LAMP5: variants seen among roughly 807,000 people sequenced by gnomAD.
LAMP5 encodes the protein lysosome associated membrane protein 5, also known as lysosome-associated membrane glycoprotein 5.
Under a neutral mutation model 30.2 loss-of-function variants are expected in LAMP5, and 36 were observed. The observed-to-expected ratio is 1.19, with a 90% CI of 0.91 to 1.57. The LOEUF (loss-of-function observed/expected upper bound fraction) is 1.57. Ranked by LOEUF, LAMP5 falls within the 40% of genes most tolerant of loss-of-function variation. LAMP5 has a pLI of 0.00. For missense variants in LAMP5, 377 were observed against 354.9 expected (o/e 1.06, Z -0.50); for synonymous variants, 149 against 134.6 (o/e 1.11, Z -0.74).
rs1443714287 is a variant in LAMP5, at chr20:9,530,493, T to A, written c.*673T>A. Reference sequence around the variant, plus strand: ...GAATCAATCTGTGTGAGTCTGTTTTTCAAAATGAAATAAAACACACTATTC... The same window carrying A: ...GAATCAATCTGTGTGAGTCTGTTTTACAAAATGAAATAAAACACACTATTC... On this transcript the variant is annotated 3_prime_UTR_variant, in exon 6 of 6. Coordinates refer to ENST00000246070, the MANE Select transcript of LAMP5 (RefSeq NM_012261.4). The A allele has an allele frequency of 6.5e-6, 1 of 152,732 alleles. No homozygotes were observed. The highest frequency in any genetic ancestry group is 2.1e-4 in the South Asian group (1 of 4,830). 9.5% of individuals were successfully genotyped at this position (152,732 alleles called of 1,614,324 possible).
At position 9,516,243 on chromosome 20, in the gene LAMP5, C is replaced by G; in HGVS notation, c.370-13C>G. The G allele has an allele frequency of 6.2e-7, 1 of 1,614,058 alleles. No individual in the cohort carries two copies. The highest frequency in any genetic ancestry group is 8.5e-7 in the Non-Finnish European group (1 of 1,179,900). On this transcript the variant is annotated splice_polypyrimidine_tract_variant and intron_variant, in intron 3 of 5. Coordinates refer to ENST00000246070, the MANE Select transcript of LAMP5 (RefSeq NM_012261.4). ...TGCGGGGACGATTGAAGCGCACCTCCCCGGCTCAACAGGAAAGCCACAACA... is the reference window on the plus strand; with the variant it reads ...TGCGGGGACGATTGAAGCGCACCTCGCCGGCTCAACAGGAAAGCCACAACA...
At chr20:9,522,806 T>C (rs950978009) in intron 5 of LAMP5, among the ~76,000 whole-genome samples, 1 of 152,150 alleles carries the variant, frequency 6.6e-6, no homozygotes, top group Non-Finnish European at 1.5e-5. Flanking sequence ...ATGGACAGTG[T>C]CTGTGTCCAC....
Position 9,514,767 on chromosome 20 carries a change from G to T in LAMP5, c.-86G>T. On this transcript the variant is annotated 5_prime_UTR_variant, in exon 1 of 6. Transcript: ENST00000246070. ...CTGTCCCCCGCCTCTCGCTCACCCCGGCCCACTCCAGCGGCGACTTTGAGG... is the reference window on the plus strand; with the variant it reads ...CTGTCCCCCGCCTCTCGCTCACCCCTGCCCACTCCAGCGGCGACTTTGAGG... 1 of 1,196,048 alleles carries T rather than the reference G, an allele frequency of 8.4e-7. No homozygotes were observed. The highest frequency in any genetic ancestry group is 1.3e-5 in the South Asian group (1 of 79,144). 74.1% of individuals were successfully genotyped at this position (1,196,048 alleles called of 1,614,324 possible).
At chr20:9,520,700 TG>T (rs1341893375) in intron 5 of LAMP5, among the ~76,000 whole-genome samples, 2 of 152,186 alleles carry the variant, frequency 1.3e-5, no homozygotes, top group Admixed American at 6.5e-5. Flanking sequence ...GGGTCATACC[TG>T]GCACTCTTCA....
At chr20:9,515,312 G>C in intron 1 of LAMP5, 141 bp from the exon 2 acceptor site, 2 of 691,938 alleles carry the variant, frequency 2.9e-6, no homozygotes, top group Non-Finnish European at 4.8e-6. Flanking sequence ...ACCCGGGTTA[G>C]AGAAACGGCT....
intron 5 of LAMP5, among the ~76,000 whole-genome samples, chr20:9,528,177 G>A (rs988310731): frequency 2.6e-4 from 40 of 152,234 alleles, no homozygotes; most frequent in African/African-American, 9.1e-4. Flanking sequence ...CTGGAACATT[G>A]CATTAAGTGA....
chr20:9,516,465 TC>T, intron 4 of LAMP5, 104 bp downstream of exon 4: 1 of 968,888 alleles, frequency 1.0e-6, no homozygotes, highest in African/African-American at 1.6e-5. Flanking sequence ...CGCTTTGAGG[TC>T]CCAGGCCAAG....
At position 9,514,793 on chromosome 20, in the gene LAMP5, G is replaced by A; in HGVS notation, c.-60G>A. 2 of 1,544,466 alleles carry A rather than the reference G, an allele frequency of 1.3e-6. No individual in the cohort carries two copies. Among genetic ancestry groups the A allele is most frequent in the South Asian group, 2.2e-5 (2 of 89,046 alleles). On this transcript the variant is annotated 5_prime_UTR_variant, in exon 1 of 6. Transcript: ENST00000246070. Reference sequence around the variant, plus strand: ...GCCCACTCCAGCGGCGACTTTGAGGGATTCCCTCTCTGGCGGCCTCTGCAG... The same window carrying A: ...GCCCACTCCAGCGGCGACTTTGAGGAATTCCCTCTCTGGCGGCCTCTGCAG...
At chr20:9,527,504 G>A (rs568219862) in intron 5 of LAMP5, among the ~76,000 whole-genome samples, 1 of 152,166 alleles carries the variant, frequency 6.6e-6, no homozygotes, top group Non-Finnish European at 1.5e-5. Flanking sequence ...GCTGATCTCA[G>A]GCAAGGTGAG....
intron 2 of LAMP5, among the ~76,000 whole-genome samples, 159 bp from the exon 3 acceptor site, chr20:9,515,841 C>T (rs79764447): frequency 0.035 from 5,319 of 152,312 alleles, 315 homozygotes; most frequent in African/African-American, 0.12. Flanking sequence ...CCTATCGGGG[C>T]TGCACGTAGA....
At chr20:9,523,102 A>T (rs2045089975) in intron 5 of LAMP5, among the ~76,000 whole-genome samples, 1 of 150,386 alleles carries the variant, frequency 6.6e-6, no homozygotes, top group African/African-American at 2.5e-5. Flanking sequence ...AAATGCTTAC[A>T]TCTTGATGAG....
At chr20:9,527,334 C>T (rs905471537) in intron 5 of LAMP5, among the ~76,000 whole-genome samples, 1 of 152,046 alleles carries the variant, frequency 6.6e-6, no homozygotes, top group African/African-American at 2.4e-5. Flanking sequence ...ATATTGTGTA[C>T]CTCAGAGGGT....
rs1436166619 is a variant in LAMP5, at chr20:9,529,658, G to A, written c.681G>A (p.Val227=). 8 of 1,614,154 alleles carry A rather than the reference G, an allele frequency of 5.0e-6. No individual in the cohort carries two copies. Among genetic ancestry groups the A allele is most frequent in the Non-Finnish European group, 6.8e-6 (8 of 1,180,006 alleles). ...FVFSEEHKCP[V]DEREQLEETL... ...CCATTGCAGAGCATAAATGCCCAGT[G>A]GATGAGCGGGAGCAACTGGAAGAAA... is the stretch of plus-strand genomic sequence containing the variant. Residue 227 remains valine, a synonymous_variant, in exon 6 of 6, where the codon GTG becomes GTA. Transcript: ENST00000246070.
At chr20:9,526,860 G>GTATATATA (rs201564418) in intron 5 of LAMP5, among the ~76,000 whole-genome samples, 1,049 of 79,874 alleles carry the variant, frequency 0.013, 16 homozygotes, top group Non-Finnish European at 0.021. Context: ...GTGTGTGTGT[G>GTATATATA]TATATATATA....
chr20:9,524,479 T>G (rs2045098585), intron 5 of LAMP5, among the ~76,000 whole-genome samples: 1 of 151,456 alleles, frequency 6.6e-6, no homozygotes, highest in African/African-American at 2.4e-5. Flanking sequence ...ATATTGTTTT[T>G]TTTTTTTTCC....
chr20:9,515,354 T>G lies in LAMP5; in HGVS notation c.65-99T>G, dbSNP rs1022514538. 22 of 1,147,906 alleles carry G rather than the reference T, an allele frequency of 1.9e-5. No homozygotes were observed. In the African/African-American group the frequency reaches 3.4e-4, roughly 18 times the overall value. 71.1% of individuals were successfully genotyped at this position (1,147,906 alleles called of 1,614,324 possible). On this transcript the variant is annotated intron_variant, in intron 1 of 5. Transcript: ENST00000246070. The stretch of plus-strand genomic sequence containing the variant: ...GCGCACAGCTGCTGGCAGAGAACTT[T>G]GTCACTCCAAAGCCTGCAGAGCACT...
In LAMP5 at chr20:9,529,896, T is replaced by A; in HGVS notation, c.*76T>A. Reference sequence around the variant, plus strand: ...AGAACAACAAAAGCACTTTTCCATCTTGTACACGAGATACACCAACATAGC... The same window carrying A: ...AGAACAACAAAAGCACTTTTCCATCATGTACACGAGATACACCAACATAGC... On this transcript the variant is annotated 3_prime_UTR_variant, in exon 6 of 6. Coordinates refer to ENST00000246070, the MANE Select transcript of LAMP5 (RefSeq NM_012261.4). The A allele has an allele frequency of 1.4e-6, 2 of 1,442,110 alleles. No homozygotes were observed. Among genetic ancestry groups the A allele is most frequent in the South Asian group, 2.5e-5 (2 of 80,198 alleles). 89.3% of individuals were successfully genotyped at this position (1,442,110 alleles called of 1,614,324 possible).
intron 5 of LAMP5, among the ~76,000 whole-genome samples, 171 bp from the exon 6 acceptor site, chr20:9,529,471 A>G (rs1217736626): frequency 1.3e-5 from 2 of 152,256 alleles, no homozygotes; most frequent in Non-Finnish European, 2.9e-5. Context: ...CGCATTATGT[A>G]GAACGATTAA....
intron 5 of LAMP5, among the ~76,000 whole-genome samples, chr20:9,519,151 A>G (rs2206385): frequency 0.53 from 79,991 of 152,080 alleles, 21,055 homozygotes; most frequent in Middle Eastern, 0.6. Context: ...ATGAATTCAT[A>G]TCATTTATTC....
Sources: allele counts gnomAD v4.1 joint callset (sites outside exome capture counted in the v4.1 genomes callset), GRCh38; gene constraint gnomAD v4.1.1; transcripts MANE v1.5; gene names NCBI Gene and HGNC (gene_info 2026-07-23, HGNC 2026-07-21).